EFR3A: variants seen among roughly 807,000 people sequenced by gnomAD.
The protein encoded by EFR3A is protein EFR3 homolog A.
EFR3A carries 76 observed loss-of-function variants against 104.4 expected under a neutral mutation model. The ratio of observed to expected loss-of-function variants is 0.73; its 90% CI spans 0.60 to 0.88. The LOEUF (loss-of-function observed/expected upper bound fraction) is 0.88, where lower values mean the gene tolerates loss of function less well. EFR3A is among the 40% of genes least tolerant of loss of function. EFR3A has a pLI of 0.00. For missense variants in EFR3A, 985 were observed against 1,012.5 expected (o/e 0.97, Z 0.37); for synonymous variants, 330 against 330.0 (o/e 1.00, Z 0.00).
intron 10 of EFR3A, 88 bp from the exon 11 acceptor site, chr8:131,975,939 T>C: frequency 1.4e-6 from 1 of 718,360 alleles, no homozygotes; most frequent in Non-Finnish European, 2.4e-6. Flanking sequence ...TTTTACCACA[T>C]ATTGAAAACT....
At position 131,978,862 on chromosome 8, in the gene EFR3A, A is replaced by G. The variant is rs374622064; in HGVS notation, c.1342A>G (p.Lys448Glu). 115 of 1,598,380 alleles carry G rather than the reference A, an allele frequency of 7.2e-5. No homozygotes were observed. Among genetic ancestry groups the G allele is most frequent in the Non-Finnish European group, 9.3e-5 (109 of 1,173,422 alleles). The change falls in exon 13 of 23, where the codon AAA (lysine) becomes GAA (glutamate). Residue 448 changes from lysine (K) to glutamate (E), a missense_variant. Coordinates refer to ENST00000254624, the MANE Select transcript of EFR3A (RefSeq NM_015137.6). ...CGATAATCAGGTGACCTCTGGATAT[A>G]AAGCGAAGACGATTGTTACTGCACT... ...RSLLMVTSGYKAKTIVTALPG... is the reference protein window; with the variant it reads ...RSLLMVTSGYEAKTIVTALPG...
rs1385962785 is a variant in EFR3A, at chr8:131,904,342, C to T, written c.10+20C>T. 4 of 1,247,870 alleles carry T rather than the reference C, an allele frequency of 3.2e-6. No homozygotes were observed. In the Admixed American group the frequency reaches 1.7e-4, roughly 53 times the overall value. The allele number at this position is 1,247,870 out of a possible 1,614,324, so 77.3% of individuals were successfully genotyped here. The stretch of plus-strand genomic sequence containing the variant: ...CTACCCGTGAGTGGCCGGCCGAGGG[C>T]CGGGGGCGTTGGGAGGCGACTGCCT... On this transcript the variant is annotated intron_variant, in intron 1 of 22. Coordinates refer to ENST00000254624, the MANE Select transcript of EFR3A (RefSeq NM_015137.6).
At chr8:132,002,937 A>G (rs1821855559) in intron 21 of EFR3A, among the ~76,000 whole-genome samples, 1 of 152,108 alleles carries the variant, frequency 6.6e-6, no homozygotes, top group South Asian at 2.1e-4. Context: ...AGTATTAGTG[A>G]TTGTTATTGT....
At chr8:131,984,502 CTTCA>C (rs2130754054) in intron 15 of EFR3A, among the ~76,000 whole-genome samples, 1 of 152,254 alleles carries the variant, frequency 6.6e-6, no homozygotes, top group South Asian at 2.1e-4. Context: ...GCTAAATATC[CTTCA>C]AGGCCATAGG....
intron 20 of EFR3A, among the ~76,000 whole-genome samples, 154 bp downstream of exon 20, chr8:132,001,961 G>A (rs1198856512): frequency 6.6e-6 from 1 of 152,134 alleles, no homozygotes; most frequent in Non-Finnish European, 1.5e-5. Context: ...TTAGCTACAT[G>A]TTTTAGGCTT....
Position 131,972,931 on chromosome 8 carries a change from A to G in EFR3A, c.1159+2288A>G, listed in dbSNP as rs1820147948. 2.0e-5 allele frequency among the ~76,000 whole-genome samples: 3 copies of G among 151,638 alleles called. 1 individual carries two copies. The South Asian group carries it at 6.3e-4, about 32-fold the overall frequency. ...TGCATTTTGCATCTCCATTGACACC[A>G]CCTATTTATTTATTGGACATATGCG... On this transcript the variant is annotated intron_variant, in intron 10 of 22. Transcript: ENST00000254624.
intron 19 of EFR3A, among the ~76,000 whole-genome samples, chr8:131,997,562 A>G (rs79232229): frequency 1.3e-5 from 2 of 152,076 alleles, no homozygotes; most frequent in African/African-American, 4.8e-5. Context: ...AACTCAACGC[A>G]TTAAGTCTAA....
chr8:131,953,753 G>T (rs961245031), intron 5 of EFR3A, 65 bp from the exon 6 acceptor site: 2 of 1,373,910 alleles, frequency 1.5e-6, no homozygotes, highest in Admixed American at 2.9e-5. Flanking sequence ...TCTTAGCTAC[G>T]CAAACAGTCT....
intron 8 of EFR3A, among the ~76,000 whole-genome samples, chr8:131,962,314 C>T (rs867195591): frequency 4.9e-4 from 74 of 152,018 alleles, no homozygotes; most frequent in Middle Eastern, 6.8e-3. Context: ...TCAGGAAACC[C>T]ATCTCACGTG....
At chr8:131,940,226 G>C (rs1455613704) in intron 1 of EFR3A, 1 of 380,528 alleles carries the variant, frequency 2.6e-6, no homozygotes, top group Non-Finnish European at 4.8e-6. Flanking sequence ...GGAGGTAAAG[G>C]GGGCACGGAT....
chr8:131,959,718 G>T lies in EFR3A; in HGVS notation c.855+55G>T, dbSNP rs992537691. On this transcript the variant is annotated intron_variant, in intron 8 of 22. Coordinates refer to ENST00000254624, the MANE Select transcript of EFR3A (RefSeq NM_015137.6). ...TATATAAGTAATTTTGGTTCTCTAT[G>T]GATAAGCACATTATCAAACAGATGT... The T allele has an allele frequency of 6.3e-6, 8 of 1,272,438 alleles. No individual in the cohort carries two copies. The African/African-American group carries it at 7.5e-5, about 12-fold the overall frequency. The allele number at this position is 1,272,438 out of a possible 1,614,324, so 78.8% of individuals were successfully genotyped here. A position where few individuals can be genotyped will look rare whatever the true frequency, so the allele number is the denominator to read the frequency against.
intron 22 of EFR3A, among the ~76,000 whole-genome samples, chr8:132,009,431 GA>G (rs569462497): frequency 1.6e-4 from 24 of 152,158 alleles, no homozygotes; most frequent in African/African-American, 5.5e-4. Context: ...GAGCAGTCAG[GA>G]AAATGCTGTA....
At chr8:131,932,702 A>G (rs1247766245) in intron 1 of EFR3A, among the ~76,000 whole-genome samples, 1 of 152,168 alleles carries the variant, frequency 6.6e-6, no homozygotes, top group African/African-American at 2.4e-5. Context: ...AATACACTCT[A>G]TAAATGGAAA....
rs117494520 is a variant in EFR3A at position 131,940,280 on chromosome 8, A to G, written c.11-219A>G. 5,366 of 541,756 alleles carry G rather than the reference A, an allele frequency of 9.9e-3. 39 individuals are homozygous for G. Among genetic ancestry groups the G allele is most frequent in the Middle Eastern group, 0.016 (32 of 2,010 alleles). The allele number at this position is 541,756 out of a possible 1,614,324, so 33.6% of individuals were successfully genotyped here. A position where few individuals can be genotyped will look rare whatever the true frequency, so the allele number is the denominator to read the frequency against. On this transcript the variant is annotated intron_variant, in intron 1 of 22. Transcript: ENST00000254624. ...GATGAATTTGGCGGGATGTGTATGC[A>G]TGTTACCTAAAAATTCTTAGAAGCT...
Position 131,904,452 on chromosome 8 carries a change from C to A in EFR3A, c.10+130C>A, listed in dbSNP as rs189300723. ...AGCAGAGCCAGGAAGTGTCTGCGAG[C>A]GGCGGAGTTAGTTTCGTTTCGGCTT... On this transcript the variant is annotated intron_variant, in intron 1 of 22. Coordinates refer to ENST00000254624, the MANE Select transcript of EFR3A (RefSeq NM_015137.6). 3 of 934,210 alleles carry A rather than the reference C, an allele frequency of 3.2e-6. No homozygotes were observed. The Admixed American group carries it at 1.3e-4, about 40-fold the overall frequency. 57.9% of individuals were successfully genotyped at this position (934,210 alleles called of 1,614,324 possible). A position where few individuals can be genotyped will look rare whatever the true frequency, so the allele number is the denominator to read the frequency against.
intron 1 of EFR3A, among the ~76,000 whole-genome samples, chr8:131,905,024 T>G (rs1816176528): frequency 6.6e-6 from 1 of 152,108 alleles, no homozygotes; most frequent in African/African-American, 2.4e-5. Context: ...AGTCACTCGG[T>G]GTTGGAGGAT....
At chr8:132,001,367 T>C (rs530632337) in intron 19 of EFR3A, among the ~76,000 whole-genome samples, 1 of 152,340 alleles carries the variant, frequency 6.6e-6, no homozygotes, top group African/African-American at 2.4e-5. Context: ...AAAATGTATT[T>C]ATGTATAATC....
At chr8:131,986,449 A>C (rs1407870104) in intron 17 of EFR3A, among the ~76,000 whole-genome samples, 188 bp downstream of exon 17, 1 of 152,168 alleles carries the variant, frequency 6.6e-6, no homozygotes, top group Non-Finnish European at 1.5e-5. Flanking sequence ...ATGGATGTTG[A>C]CTTATGCACA....
chr8:131,922,474 A>T (rs1013928222), intron 1 of EFR3A, among the ~76,000 whole-genome samples: 7 of 152,132 alleles, frequency 4.6e-5, no homozygotes, highest in African/African-American at 1.2e-4. Context: ...TTAAAAAAAA[A>T]TTAAAAATCT....
Sources: allele counts gnomAD v4.1 joint callset (sites outside exome capture counted in the v4.1 genomes callset), GRCh38; gene constraint gnomAD v4.1.1; transcripts MANE v1.5; gene names NCBI Gene and HGNC (gene_info 2026-07-23, HGNC 2026-07-21).